The following ALPK1 variants were observed in gnomAD, a reference collection of about 807,000 sequenced individuals.
ALPK1 encodes the protein alpha-protein kinase 1.
In ALPK1, 110 loss-of-function variants were observed where a neutral mutation model predicts 120.6. That is an observed-to-expected ratio of 0.91 (90% CI 0.78 to 1.07). The LOEUF (loss-of-function observed/expected upper bound fraction) is 1.07, where lower values mean the gene tolerates loss of function less well. ALPK1 is among the 50% of genes least tolerant of loss of function. The pLI, the probability that ALPK1 is intolerant of heterozygous loss-of-function variation, is 0.00. For synonymous variants in ALPK1, 582 were observed against 560.3 expected (o/e 1.04, Z -0.55); for missense variants, 1,498 against 1,483.9 (o/e 1.01, Z -0.16).
At chr4:112,317,424 T>C (rs1016270409) in intron 2 of ALPK1, among the ~76,000 whole-genome samples, 2 of 152,162 alleles carry the variant, frequency 1.3e-5, no homozygotes, top group Non-Finnish European at 2.9e-5. Flanking sequence ...TGTGGTGTTG[T>C]AAAGTAAGGG....
At chr4:112,357,735 C>T in intron 2 of ALPK1, 1 of 1,385,100 alleles carries the variant, frequency 7.2e-7, no homozygotes, top group Non-Finnish European at 1.0e-6. Context: ...AGTGCTTGTC[C>T]TCTTTGGGGA....
Position 112,432,089 on chromosome 4 carries a change from G to T in ALPK1, c.2542G>T (p.Ala848Ser). The T allele has an allele frequency of 2.5e-6, 4 of 1,614,118 alleles. No individual in the cohort carries two copies. The highest frequency in any genetic ancestry group is 3.4e-6 in the Non-Finnish European group (4 of 1,179,998). Residue 848 changes from alanine (A) to serine (S), a missense_variant, in exon 11 of 16, where the codon GCC (alanine) becomes TCC (serine). By Grantham distance (99) the Ala-to-Ser change is moderately conservative. Transcript: ENST00000650871. The stretch of plus-strand genomic sequence containing the variant: ...CGCAGAGCAGGGCATCGACCCTGAT[G>T]CCTCCACAGTGGATGAGGAGGGGCA... ...PVAEQGIDPD[A>S]STVDEEGQLL...
At chr4:112,415,406 C>T (rs970408149) in intron 5 of ALPK1, among the ~76,000 whole-genome samples, 116 of 152,268 alleles carry the variant, frequency 7.6e-4, no homozygotes, top group Middle Eastern at 6.8e-3. Flanking sequence ...GAGGCCAAGG[C>T]GGGTGGATTA....
intron 2 of ALPK1, chr4:112,357,282 A>G: frequency 9.1e-7 from 1 of 1,101,422 alleles, no homozygotes. Context: ...GTGTTCGCCA[A>G]CACAGCCGGA....
intron 4 of ALPK1, chr4:112,384,935 T>C (rs988229906): frequency 6.6e-6 from 1 of 152,214 alleles, no homozygotes; most frequent in African/African-American, 2.4e-5. Context: ...GGAGATCCCT[T>C]GTGGAATTAG....
intron 4 of ALPK1, among the ~76,000 whole-genome samples, chr4:112,390,552 A>C (rs111323066): frequency 9.7e-4 from 148 of 152,270 alleles, no homozygotes; most frequent in African/African-American, 3.2e-3. Context: ...TATATCCCTG[A>C]CACTTAAAAT....
At chr4:112,350,360 T>C (rs565001126) in intron 2 of ALPK1, among the ~76,000 whole-genome samples, 75 of 152,348 alleles carry the variant, frequency 4.9e-4, no homozygotes, top group African/African-American at 1.8e-3. Context: ...TTCACAGCCC[T>C]GACAATTTTA....
chr4:112,299,876 G>T (rs1361470390), intron 1 of ALPK1, among the ~76,000 whole-genome samples: 1 of 152,162 alleles, frequency 6.6e-6, no homozygotes, highest in Non-Finnish European at 1.5e-5. Context: ...GTCTCAGCTT[G>T]AATACTACAG....
chr4:112,387,539 G>A (rs1732207351), intron 4 of ALPK1, among the ~76,000 whole-genome samples: 1 of 152,206 alleles, frequency 6.6e-6, no homozygotes, highest in Non-Finnish European at 1.5e-5. Context: ...AGGACATGAA[G>A]CAGGCTCAGA....
intron 3 of ALPK1, among the ~76,000 whole-genome samples, chr4:112,379,391 A>T (rs1480376762): frequency 6.6e-6 from 1 of 152,226 alleles, no homozygotes; most frequent in African/African-American, 2.4e-5. Context: ...TCTGGGGCTG[A>T]CTGCCCGGCG....
chr4:112,327,829 A>C (rs1275591256), intron 2 of ALPK1, among the ~76,000 whole-genome samples: 2 of 152,224 alleles, frequency 1.3e-5, no homozygotes, highest in East Asian at 3.8e-4. Flanking sequence ...TATACTTAAT[A>C]GCTCTTTTTC....
intron 5 of ALPK1, among the ~76,000 whole-genome samples, chr4:112,421,327 T>A (rs966231971): frequency 2.0e-5 from 3 of 152,218 alleles, no homozygotes; most frequent in Non-Finnish European, 4.4e-5. Context: ...AATGCTACTT[T>A]GGGCTACAAA....
At chr4:112,335,032 C>T (rs767118206) in intron 2 of ALPK1, among the ~76,000 whole-genome samples, 10 of 151,942 alleles carry the variant, frequency 6.6e-5, no homozygotes, top group African/African-American at 9.7e-5. Flanking sequence ...CCGAGGAGGG[C>T]GGATCACCTG....
rs1361502917 is a variant in ALPK1, at chr4:112,358,062, G to A, written c.-100-19616G>A. 9 of 585,900 alleles carry A rather than the reference G, an allele frequency of 1.5e-5. No individual in the cohort carries two copies. The East Asian group carries it at 2.8e-4, about 18-fold the overall frequency. 36.3% of individuals were successfully genotyped at this position (585,900 alleles called of 1,614,324 possible). On this transcript the variant is annotated intron_variant, in intron 2 of 15. Coordinates refer to ENST00000650871, the MANE Select transcript of ALPK1 (RefSeq NM_025144.4). ...AGTGTGATCATCACGGGCCTCCATA[G>A]CCCCCACGCATGGACCCCCTGGTTG... is the stretch of plus-strand genomic sequence containing the variant.
rs190124026 is a variant in ALPK1 at position 112,377,516 on chromosome 4, A to G, written c.-100-162A>G. 6.8e-4 allele frequency among the ~76,000 whole-genome samples: 104 copies of G among 152,262 alleles called. No homozygotes were observed. In the Middle Eastern group the frequency reaches 0.01, roughly 15 times the overall value. ...TCTGAGGCCTTCGGAGGTGCTGCCC[A>G]TCTAGCCAGGCCCTGCAGTAATTTC... is the stretch of plus-strand genomic sequence containing the variant. On this transcript the variant is annotated intron_variant, in intron 2 of 15. Transcript: ENST00000650871.
intron 4 of ALPK1, among the ~76,000 whole-genome samples, chr4:112,387,207 T>C (rs1258800288): frequency 6.6e-6 from 1 of 152,226 alleles, no homozygotes; most frequent in African/African-American, 2.4e-5. Flanking sequence ...TTTTTCTTTC[T>C]GTAGTTTTCA....
intron 2 of ALPK1, among the ~76,000 whole-genome samples, chr4:112,371,453 CTCTG>C (rs1460843487): frequency 1.3e-5 from 2 of 152,216 alleles, no homozygotes; most frequent in African/African-American, 4.8e-5. Flanking sequence ...CAGCCAACCT[CTCTG>C]TCTTTCATTC....
intron 4 of ALPK1, among the ~76,000 whole-genome samples, chr4:112,396,606 C>A (rs1007872940): frequency 5.3e-5 from 8 of 152,032 alleles, no homozygotes; most frequent in Non-Finnish European, 1.0e-4. Context: ...TAAATGGAAA[C>A]TTTTAGAATT....
At chr4:112,436,713 CT>C (rs1734804744) in intron 12 of ALPK1, among the ~76,000 whole-genome samples, 1 of 152,178 alleles carries the variant, frequency 6.6e-6, no homozygotes, top group African/African-American at 2.4e-5. Flanking sequence ...CCCATTGGAA[CT>C]TTGATCTTGG....
Sources: gnomAD v4.1 joint callset for allele counts (sites outside exome capture counted in the v4.1 genomes callset) on GRCh38, gnomAD v4.1.1 for gene constraint, MANE v1.5 for transcripts, NCBI Gene and HGNC (gene_info 2026-07-23, HGNC 2026-07-21) for gene names.